Variants in MTMR3 observed in about 807,000 individuals in gnomAD.
The protein encoded by MTMR3 is myotubularin related protein 3, also known as phosphatidylinositol-3,5-bisphosphate 3-phosphatase MTMR3.
Under a neutral mutation model 132.4 loss-of-function variants are expected in MTMR3, and 32 were observed. That is an observed-to-expected ratio of 0.24 (90% CI 0.18 to 0.32). The LOEUF is 0.32. MTMR3 is among the 10% of genes least tolerant of loss of function. MTMR3 has a pLI of 1.00. For synonymous variants in MTMR3, 556 were observed against 550.3 expected, an observed-to-expected ratio of 1.01 and a Z score of -0.14; for missense variants, 1,216 against 1,489.6, an observed-to-expected ratio of 0.82 and a Z score of 3.02.
rs57375920 is a variant in MTMR3 at position 29,906,245 on chromosome 22, CGTCTGTCTGTCTGTCT to C, written c.-138+22915_-138+22930del. Among the ~76,000 whole-genome samples, 836 of 107,082 alleles carry C rather than the reference CGTCTGTCTGTCTGTCT, an allele frequency of 7.8e-3. 9 individuals carry two copies. The highest frequency in any genetic ancestry group is 0.027 in the East Asian group (73 of 2,684). The allele number at this position is 107,082 out of a possible 152,430, so 70.2% of individuals were successfully genotyped here. On this transcript the variant is annotated intron_variant, in intron 1 of 19. Coordinates refer to ENST00000401950, the MANE Select transcript of MTMR3 (RefSeq NM_021090.4). ...TTTGTCTCACATTTATCCATCCATC[CGTCTGTCTGTCTGTCT>C]GTCTGTCTGTCTGTCTGTCTGTCTG...
intron 7 of MTMR3, chr22:29,996,332 G>A (rs552584356): frequency 1.6e-4 from 24 of 152,288 alleles, no homozygotes; most frequent in African/African-American, 5.3e-4. Flanking sequence ...ATATTTCTGC[G>A]TATAGCTCAG....
chr22:29,953,164 G>A (rs138031690), intron 1 of MTMR3, among the ~76,000 whole-genome samples: 1 of 152,114 alleles, frequency 6.6e-6, no homozygotes, highest in African/African-American at 2.4e-5. Flanking sequence ...CTTAATTATC[G>A]TTCATTTGAA....
At chr22:29,897,727 G>A (rs865922635) in intron 1 of MTMR3, among the ~76,000 whole-genome samples, 7 of 152,186 alleles carry the variant, frequency 4.6e-5, no homozygotes, top group Non-Finnish European at 7.3e-5. Context: ...TGGGATTACA[G>A]GGGTGAGCCA....
intron 1 of MTMR3, among the ~76,000 whole-genome samples, chr22:29,902,525 C>G (rs2065021490): frequency 6.6e-6 from 1 of 151,772 alleles, no homozygotes; most frequent in Non-Finnish European, 1.5e-5. Flanking sequence ...CACCACCACG[C>G]CTGGCTAATT....
At chr22:29,984,146 T>G (rs1484593618) in intron 5 of MTMR3, 2 of 152,090 alleles carry the variant, frequency 1.3e-5, no homozygotes, top group African/African-American at 2.4e-5. Flanking sequence ...GAAAAGATTT[T>G]TGTGCCCAGA....
At chr22:29,978,164 CA>C in intron 3 of MTMR3, 1 of 240,726 alleles carries the variant, frequency 4.2e-6, no homozygotes, top group South Asian at 5.6e-5. Flanking sequence ...GATTCTGTCT[CA>C]AAAAAAGAAA....
chr22:29,893,357 G>A (rs907526121), intron 1 of MTMR3, among the ~76,000 whole-genome samples: 3 of 152,084 alleles, frequency 2.0e-5, no homozygotes, highest in African/African-American at 7.2e-5. Context: ...AACTCCTGTG[G>A]CAAGACTGTA....
intron 6 of MTMR3, 103 bp downstream of exon 6, chr22:29,988,665 G>C: frequency 1.4e-6 from 1 of 705,130 alleles, no homozygotes. Flanking sequence ...TTGATGATTA[G>C]CCTCATTAGG....
chr22:30,027,266 C>CTTA lies in MTMR3; in HGVS notation c.*1466_*1468dup, dbSNP rs1052975301. 3 of 152,810 alleles carry CTTA rather than the reference C, an allele frequency of 2.0e-5. No homozygotes were observed. Among genetic ancestry groups the CTTA allele is most frequent in the African/African-American group, 7.2e-5 (3 of 41,444 alleles). The allele number at this position is 152,810 out of a possible 1,614,324, so 9.5% of individuals were successfully genotyped here. On this transcript the variant is annotated 3_prime_UTR_variant, in exon 20 of 20. Transcript: ENST00000401950. ...GGACTAGGGGTAAGGTCAGGGAATGCTTAAGCTCTGGCCCTGCCCTGTATT... is the reference window on the plus strand; with the variant it reads ...GGACTAGGGGTAAGGTCAGGGAATGCTTATTAAGCTCTGGCCCTGCCCTGTATT...
rs2067958352 is a variant in MTMR3 at position 30,028,713 on chromosome 22, T to A, written c.*2912T>A. 1 of 152,362 alleles carries A rather than the reference T, an allele frequency of 6.6e-6. No homozygotes were observed. The highest frequency in any genetic ancestry group is 2.4e-5 in the African/African-American group (1 of 41,452). The allele number at this position is 152,362 out of a possible 1,614,324, so 9.4% of individuals were successfully genotyped here. Reference sequence around the variant, plus strand: ...TTGGGGCAGTCTCTCTAGGGTCACTTTCTGAATGTACCTTCTACCTAAAGT... The same window carrying A: ...TTGGGGCAGTCTCTCTAGGGTCACTATCTGAATGTACCTTCTACCTAAAGT... On this transcript the variant is annotated 3_prime_UTR_variant, in exon 20 of 20. Transcript: ENST00000401950.
intron 9 of MTMR3, chr22:30,006,258 GA>G (rs971094085): frequency 6.6e-6 from 1 of 152,230 alleles, no homozygotes; most frequent in Admixed American, 6.5e-5. Flanking sequence ...GGATATGTCA[GA>G]GTATGGTTTT....
Position 30,020,446 on chromosome 22 carries a change from T to C in MTMR3, c.2787T>C (p.Asn929=). The C allele has an allele frequency of 6.2e-7, 1 of 1,614,130 alleles. No homozygotes were observed. Among genetic ancestry groups the C allele is most frequent in the Non-Finnish European group, 8.5e-7 (1 of 1,180,016 alleles). The change falls in exon 17 of 20, where the codon AAT becomes AAC. Residue 929 remains asparagine, a synonymous_variant. Transcript: ENST00000401950. ...LAECKEGLVC[N]GAPETENRAS... Reference sequence around the variant, plus strand: ...AATGTAAAGAGGGGCTTGTGTGCAATGGTGCCCCAGAGACTGAAAACAGGG... The same window carrying C: ...AATGTAAAGAGGGGCTTGTGTGCAACGGTGCCCCAGAGACTGAAAACAGGG...
rs776990459 is a variant in MTMR3 at position 30,002,847 on chromosome 22, C to T, written c.558-33C>T. The T allele has an allele frequency of 1.9e-6, 3 of 1,547,338 alleles. No homozygotes were observed. In the East Asian group the frequency reaches 6.7e-5, roughly 35 times the overall value. ...GTTTTCTCTCTCCCTCTCTTATCCCCTTGACTCTCCCCACTTCTCATCTTC... is the reference window on the plus strand; with the variant it reads ...GTTTTCTCTCTCCCTCTCTTATCCCTTTGACTCTCCCCACTTCTCATCTTC... On this transcript the variant is annotated intron_variant, in intron 8 of 19. Coordinates refer to ENST00000401950, the MANE Select transcript of MTMR3 (RefSeq NM_021090.4).
At chr22:29,898,361 C>A (rs1226441394) in intron 1 of MTMR3, among the ~76,000 whole-genome samples, 1 of 152,032 alleles carries the variant, frequency 6.6e-6, no homozygotes, top group Non-Finnish European at 1.5e-5. Flanking sequence ...GTTTGGGGTA[C>A]AATTGATCAC....
intron 1 of MTMR3, among the ~76,000 whole-genome samples, chr22:29,934,086 G>A (rs2065699926): frequency 6.6e-6 from 1 of 152,190 alleles, no homozygotes; most frequent in Non-Finnish European, 1.5e-5. Flanking sequence ...TGGGCACGGT[G>A]GCTCACGCCT....
At position 30,002,865 on chromosome 22, in the gene MTMR3, T is replaced by G. The variant is rs769463907; in HGVS notation, c.558-15T>G. ...TTATCCCCTTGACTCTCCCCACTTC[T>G]CATCTTCTCTTTAGATTATGTGGTA... is the stretch of plus-strand genomic sequence containing the variant. On this transcript the variant is annotated splice_polypyrimidine_tract_variant and intron_variant, in intron 8 of 19. Transcript: ENST00000401950. 13 of 1,601,058 alleles carry G rather than the reference T, an allele frequency of 8.1e-6. No individual in the cohort carries two copies. In the Admixed American group the frequency reaches 2.2e-4, roughly 27 times the overall value.
At chr22:29,933,310 A>G (rs1441239402) in intron 1 of MTMR3, among the ~76,000 whole-genome samples, 3 of 151,948 alleles carry the variant, frequency 2.0e-5, no homozygotes, top group South Asian at 2.1e-4. Context: ...TATCCAGGCA[A>G]AAAAAACTGT....
chr22:29,957,113 CA>C (rs1403129683), intron 2 of MTMR3, 25 bp downstream of exon 2: 1 of 152,052 alleles, frequency 6.6e-6, no homozygotes, highest in Non-Finnish European at 1.5e-5. Flanking sequence ...CCCCTCCTGC[CA>C]CCCCCGCCCC....
chr22:29,978,053 T>C (rs2066663376), intron 3 of MTMR3: 1 of 159,496 alleles, frequency 6.3e-6, no homozygotes, highest in Non-Finnish European at 1.4e-5. Flanking sequence ...GGCAGGAGAA[T>C]CGCCTGAACC....
Sources: allele counts gnomAD v4.1 joint callset (sites outside exome capture counted in the v4.1 genomes callset), GRCh38; gene constraint gnomAD v4.1.1; transcripts MANE v1.5; gene names NCBI Gene and HGNC (gene_info 2026-07-23, HGNC 2026-07-21).